The following CPNE8 variants were observed in gnomAD, a reference collection of about 807,000 sequenced individuals.
The protein encoded by CPNE8 is copine-8.
A neutral mutation model predicts 81.5 loss-of-function variants in CPNE8; 45 were observed. The observed-to-expected ratio is 0.55, with a 90% confidence interval of 0.44 to 0.71. The LOEUF is 0.71. Among genes scored for constraint, CPNE8 ranks in the 30% least tolerant of loss-of-function variants. The probability of loss-of-function intolerance (pLI) is 0.00; values close to 1 mark genes in which losing one functional copy is unlikely to be tolerated. For synonymous variants in CPNE8, 252 were observed against 226.3 expected, an observed-to-expected ratio of 1.11 and a Z score of -1.02; for missense variants, 594 against 672.1, an observed-to-expected ratio of 0.88 and a Z score of 1.28.
At chr12:38,815,361 T>C (rs909321949) in intron 6 of CPNE8, among the ~76,000 whole-genome samples, 6 of 152,232 alleles carry the variant, frequency 3.9e-5, no homozygotes, top group African/African-American at 1.4e-4. Context: ...GCTGAGTAGA[T>C]ATCATATTAA....
At chr12:38,906,444 C>T (rs1944572707), upstream of CPNE8, 3 of 985,534 alleles carry the variant, frequency 3.0e-6, no homozygotes, top group Non-Finnish European at 2.4e-6. Context: ...CGGCGACATT[C>T]CTCCTACAGT....
At chr12:38,672,174 A>G (rs1038954030) in intron 18 of CPNE8, among the ~76,000 whole-genome samples, 47 of 152,180 alleles carry the variant, frequency 3.1e-4, no homozygotes, top group Admixed American at 3.0e-3. Flanking sequence ...ATTACCCTAT[A>G]CACATGCTAA....
rs559715685 is a variant in CPNE8, at chr12:38,801,015, C to T, written c.408-24714G>A. Among the ~76,000 whole-genome samples, 267 of 150,554 alleles carry T rather than the reference C, an allele frequency of 1.8e-3. 1 individual carries two copies. Among genetic ancestry groups the T allele is most frequent in the African/African-American group, 6.2e-3 (253 of 40,836 alleles). On this transcript the variant is annotated intron_variant, in intron 6 of 19. Transcript: ENST00000331366. The stretch of plus-strand genomic sequence containing the variant: ...AGAAATATGGGACTACGTGAAAAGA[C>T]CACATCTACGTCTGATTGGTGTACC...
rs561982707 is a variant in CPNE8 at position 38,877,279 on chromosome 12, A to G, written c.99-2768T>C. 5.6e-4 allele frequency among the ~76,000 whole-genome samples: 85 copies of G among 152,260 alleles called. 1 individual carries two copies. Among genetic ancestry groups the G allele is most frequent in the African/African-American group, 1.9e-3 (81 of 41,560 alleles). ...GCTGCTTATAGAATGAGGACAGAAA[A>G]CCAGAATGAGAGGCCAAACCCACTA... On this transcript the variant is annotated intron_variant, in intron 1 of 19. Transcript: ENST00000331366.
At chr12:38,723,892 C>T in intron 12 of CPNE8, 59 bp from the exon 13 acceptor site, 2 of 919,212 alleles carry the variant, frequency 2.2e-6, no homozygotes, top group Non-Finnish European at 3.5e-6. Flanking sequence ...ATAGACCTTT[C>T]TAATTATTAG....
intron 3 of CPNE8, among the ~76,000 whole-genome samples, chr12:38,869,724 C>A (rs1943963341): frequency 6.6e-6 from 1 of 152,118 alleles, no homozygotes; most frequent in South Asian, 2.1e-4. Context: ...ATTTGTATTT[C>A]CCCATCTTCA....
At chr12:38,757,049 A>G (rs1565600183) in intron 10 of CPNE8, among the ~76,000 whole-genome samples, 1 of 152,152 alleles carries the variant, frequency 6.6e-6, no homozygotes, top group Non-Finnish European at 1.5e-5. Context: ...TAATGTTATC[A>G]CTAGAAAATT....
At chr12:38,813,373 A>C (rs1484913056) in intron 6 of CPNE8, among the ~76,000 whole-genome samples, 1 of 152,206 alleles carries the variant, frequency 6.6e-6, no homozygotes, top group Non-Finnish European at 1.5e-5. Context: ...AATTGGGAAA[A>C]GAATGATAGA....
At chr12:38,676,113 C>T (rs139434218) in intron 17 of CPNE8, 13,826 of 119,200 alleles carry the variant, frequency 0.12, 401 homozygotes, top group East Asian at 0.4. Context: ...GAGAGCCTGT[C>T]TAAAAAAAAA....
intron 10 of CPNE8, 59 bp downstream of exon 10, chr12:38,760,788 A>G: frequency 7.7e-7 from 1 of 1,290,458 alleles, no homozygotes; most frequent in South Asian, 1.2e-5. Flanking sequence ...GGTCATTTCA[A>G]TGTATGTGCC....
chr12:38,882,315 C>T (rs1944171997), intron 1 of CPNE8, among the ~76,000 whole-genome samples: 1 of 152,126 alleles, frequency 6.6e-6, no homozygotes, highest in Non-Finnish European at 1.5e-5. Flanking sequence ...GATGCAGTCA[C>T]AAGCCAAAGC....
chr12:38,818,087 A>G (rs1234808175), intron 6 of CPNE8, among the ~76,000 whole-genome samples: 1 of 152,136 alleles, frequency 6.6e-6, no homozygotes, highest in Non-Finnish European at 1.5e-5. Flanking sequence ...TAATAGTGCT[A>G]TGAAGGTTAG....
At chr12:38,902,200 GAAAA>G (rs1944473648) in intron 1 of CPNE8, among the ~76,000 whole-genome samples, 1 of 97,984 alleles carries the variant, frequency 1.0e-5, no homozygotes, top group Non-Finnish European at 2.2e-5. Flanking sequence ...AAGAGAAAGA[GAAAA>G]GAAAGAAAGA....
At chr12:38,745,624 C>T (rs1016312254) in intron 10 of CPNE8, among the ~76,000 whole-genome samples, 2 of 152,156 alleles carry the variant, frequency 1.3e-5, no homozygotes, top group African/African-American at 4.8e-5. Context: ...CTCATTGCAG[C>T]CTGGACCTAA....
At chr12:38,694,986 T>C (rs187332759) in intron 14 of CPNE8, among the ~76,000 whole-genome samples, 47 of 152,340 alleles carry the variant, frequency 3.1e-4, no homozygotes, top group Admixed American at 3.1e-3. Flanking sequence ...TTGAACTTTT[T>C]TTTATTTTAT....
intron 3 of CPNE8, among the ~76,000 whole-genome samples, chr12:38,865,694 T>C (rs1943903418): frequency 6.6e-6 from 1 of 152,228 alleles, no homozygotes; most frequent in Non-Finnish European, 1.5e-5. Context: ...GTGTGTTTAC[T>C]TCTAATTCAT....
chr12:38,708,262 G>C (rs1210172336), intron 13 of CPNE8, among the ~76,000 whole-genome samples: 2 of 151,674 alleles, frequency 1.3e-5, no homozygotes, highest in Non-Finnish European at 2.9e-5. Context: ...TACATAATTT[G>C]TTATAAAAGT....
chr12:38,699,236 A>G (rs1592018845), intron 14 of CPNE8, among the ~76,000 whole-genome samples: 1 of 152,106 alleles, frequency 6.6e-6, no homozygotes, highest in South Asian at 2.1e-4. Flanking sequence ...TCTTTTAACC[A>G]TATTTGTTTA....
At chr12:38,737,079 T>C (rs868804064) in intron 10 of CPNE8, among the ~76,000 whole-genome samples, 4 of 151,970 alleles carry the variant, frequency 2.6e-5, no homozygotes, top group Non-Finnish European at 4.4e-5. Context: ...AAGTTTAAAC[T>C]ATAGGCCAGT....
Sources: gnomAD v4.1 joint callset for allele counts (sites outside exome capture counted in the v4.1 genomes callset) on GRCh38, gnomAD v4.1.1 for gene constraint, MANE v1.5 for transcripts, NCBI Gene and HGNC (gene_info 2026-07-23, HGNC 2026-07-21) for gene names.